The following PEX14 variants were observed in gnomAD, a reference collection of about 807,000 sequenced individuals.
The protein encoded by PEX14 is peroxisomal biogenesis factor 14.
Under a neutral mutation model 49.5 loss-of-function variants are expected in PEX14, and 15 were observed. That is an observed-to-expected ratio of 0.30 (90% CI 0.20 to 0.47). PEX14 has a LOEUF of 0.47. PEX14 is among the 20% of genes least tolerant of loss of function. The pLI is 1.00. For synonymous variants in PEX14, 210 were observed against 212.7 expected (o/e 0.99, Z 0.11); for missense variants, 398 against 494.8 (o/e 0.80, Z 1.86).
intron 3 of PEX14, among the ~76,000 whole-genome samples, chr1:10,548,805 C>T (rs1639252405): frequency 6.6e-6 from 1 of 152,166 alleles, no homozygotes. Context: ...TTCAATTGTT[C>T]TGAGAATTGA....
chr1:10,601,897 A>G (rs79832766), intron 4 of PEX14, among the ~76,000 whole-genome samples: 1 of 152,330 alleles, frequency 6.6e-6, no homozygotes, highest in East Asian at 1.9e-4. Context: ...AGAATTTTCT[A>G]AGATGCACAT....
At position 10,623,320 on chromosome 1, in the gene PEX14, CAATT is replaced by C. The variant is rs1396891637; in HGVS notation, c.487+205_487+208del. The stretch of plus-strand genomic sequence containing the variant: ...TGCTTGTTTACTGTCGGCGCGGCCT[CAATT>C]AATTATGTTTTTACGGAAAGGCTCC... On this transcript the variant is annotated intron_variant, in intron 6 of 8. Transcript: ENST00000356607. The surrounding 1 kb of genome is among the most constrained non-coding windows in gnomAD (Gnocchi z 4.4). The C allele has an allele frequency of 7.1e-6, 4 of 562,806 alleles. No homozygotes were observed. The highest frequency in any genetic ancestry group is 5.4e-5 in the Admixed American group (2 of 37,134). The allele number at this position is 562,806 out of a possible 1,614,324, so 34.9% of individuals were successfully genotyped here.
chr1:10,561,957 A>G (rs1639664076), intron 3 of PEX14, among the ~76,000 whole-genome samples: 1 of 152,102 alleles, frequency 6.6e-6, no homozygotes, highest in African/African-American at 2.4e-5. Context: ...ACCCGAGACA[A>G]GGTCTCACTC....
At chr1:10,490,842 A>G (rs1397747263) in intron 1 of PEX14, among the ~76,000 whole-genome samples, 2 of 151,400 alleles carry the variant, frequency 1.3e-5, no homozygotes, top group African/African-American at 4.9e-5. Context: ...GTTGGGACTT[A>G]CAGGCATGTG....
At chr1:10,569,432 G>A (rs571333425) in intron 3 of PEX14, among the ~76,000 whole-genome samples, 1 of 152,140 alleles carries the variant, frequency 6.6e-6, no homozygotes, top group Admixed American at 6.5e-5. Context: ...CATTTCTGGA[G>A]CCCTCTGCCC....
At chr1:10,592,253 G>A (rs2124590002) in intron 3 of PEX14, among the ~76,000 whole-genome samples, 1 of 152,292 alleles carries the variant, frequency 6.6e-6, no homozygotes, top group East Asian at 1.9e-4. Flanking sequence ...GACTTACTCA[G>A]TATACTGTGG....
intron 1 of PEX14, among the ~76,000 whole-genome samples, chr1:10,483,238 C>T (rs887011609): frequency 1.1e-4 from 16 of 152,128 alleles, no homozygotes; most frequent in African/African-American, 3.6e-4. Context: ...TCGCTGCAGT[C>T]GTGACCTCCT....
intron 3 of PEX14, among the ~76,000 whole-genome samples, chr1:10,548,641 G>T (rs1184083826): frequency 6.6e-6 from 1 of 152,204 alleles, no homozygotes; most frequent in Non-Finnish European, 1.5e-5. Flanking sequence ...ATCTTTGTAT[G>T]TGATGGTGTG....
At chr1:10,610,368 TATATACACACACAC>T (rs1462315780) in intron 4 of PEX14, among the ~76,000 whole-genome samples, 1 of 70,240 alleles carries the variant, frequency 1.4e-5, no homozygotes, top group Non-Finnish European at 3.4e-5. Context: ...TATATATATA[TATATACACACACAC>T]ACACACACAC....
chr1:10,508,574 TC>T (rs529400449), intron 2 of PEX14, among the ~76,000 whole-genome samples: 7 of 151,864 alleles, frequency 4.6e-5, no homozygotes, highest in Admixed American at 3.9e-4. Flanking sequence ...CCCAGCTCCC[TC>T]CCCCCCAGAA....
In PEX14 at chr1:10,613,412, C is replaced by A. The variant is rs1178906945; in HGVS notation, c.299-4920C>A. Among the ~76,000 whole-genome samples the A allele has an allele frequency of 6.6e-6, 1 of 152,154 alleles. No individual in the cohort carries two copies. Among genetic ancestry groups the A allele is most frequent in the African/African-American group, 2.4e-5 (1 of 41,428 alleles). ...GAGCCGGGCAGAGCTTAAGCTAGTT[C>A]GTGGAGTCCTTGGAAGGTTGGGTTT... On this transcript the variant is annotated intron_variant, in intron 4 of 8. Transcript: ENST00000356607. The surrounding 1 kb of genome is among the most constrained non-coding windows in gnomAD (Gnocchi z 5.0).
chr1:10,598,267 CT>C (rs1640883983), intron 3 of PEX14, among the ~76,000 whole-genome samples: 1 of 152,200 alleles, frequency 6.6e-6, no homozygotes, highest in Non-Finnish European at 1.5e-5. Flanking sequence ...CACACAGCTA[CT>C]TCCTGAGCTG....
At chr1:10,499,331 A>T (rs751024737) in intron 2 of PEX14, among the ~76,000 whole-genome samples, 1 of 152,076 alleles carries the variant, frequency 6.6e-6, no homozygotes, top group African/African-American at 2.4e-5. Context: ...GTTCTCTCTA[A>T]TGGATGAGTC....
In PEX14 at chr1:10,629,867, C is replaced by T. The variant is rs2128414; in HGVS notation, c.1014C>T (p.Asp338=). ...DEEDDDVSHV[D]EEDCLGVQRE... ...AGGATGATGATGTGAGCCATGTGGACGAGGAGGACTGCCTGGGGGTGCAGA... is the reference window on the plus strand; with the variant it reads ...AGGATGATGATGTGAGCCATGTGGATGAGGAGGACTGCCTGGGGGTGCAGA... The change falls in exon 9 of 9, where the codon GAC becomes GAT. Residue 338 remains aspartate, a synonymous_variant. Transcript: ENST00000356607. This position sits in a 1 kb window ranked among gnomAD's most constrained non-coding sequence, Gnocchi z 8.5. The T allele has an allele frequency of 0.046, 73,613 of 1,611,834 alleles. 2,504 individuals carry two copies. The highest frequency in any genetic ancestry group is 0.13 in the South Asian group (12,057 of 90,910).
intron 4 of PEX14, among the ~76,000 whole-genome samples, chr1:10,604,571 C>G (rs1641076290): frequency 6.6e-6 from 1 of 151,966 alleles, no homozygotes; most frequent in African/African-American, 2.4e-5. Context: ...TGGTTGTACC[C>G]CTGCACTCCA....
intron 4 of PEX14, 108 bp from the exon 5 acceptor site, chr1:10,618,224 C>T: frequency 2.5e-6 from 2 of 787,276 alleles, no homozygotes; most frequent in East Asian, 5.2e-5. Flanking sequence ...TTCCACTTGC[C>T]CATTGTTGGA....
chr1:10,489,823 G>T (rs1392698172), intron 1 of PEX14, among the ~76,000 whole-genome samples: 2 of 152,204 alleles, frequency 1.3e-5, no homozygotes, highest in East Asian at 3.8e-4. Context: ...GTGTCTCCTG[G>T]CAGGAAGCCA....
chr1:10,488,670 T>G (rs1338937302), intron 1 of PEX14, among the ~76,000 whole-genome samples: 1 of 151,706 alleles, frequency 6.6e-6, no homozygotes. Context: ...TGGCTAATTT[T>G]TTTTTTGTAT....
chr1:10,546,193 A>G (rs909219600), intron 3 of PEX14, among the ~76,000 whole-genome samples: 2 of 152,220 alleles, frequency 1.3e-5, no homozygotes, highest in East Asian at 1.9e-4. Flanking sequence ...TTAATGGGCT[A>G]TAGTCAGTTT....
Sources: gnomAD v4.1 joint callset for allele counts (sites outside exome capture counted in the v4.1 genomes callset) on GRCh38, gnomAD v4.1.1 for gene constraint, Gnocchi (gnomAD v3.1) non-coding constraint, MANE v1.5 for transcripts, NCBI Gene and HGNC (gene_info 2026-07-23, HGNC 2026-07-21) for gene names.